Variants in ABCA3 observed in about 807,000 individuals in gnomAD.
ABCA3 encodes phospholipid-transporting ATPase ABCA3.
Under a neutral mutation model 172.8 loss-of-function variants are expected in ABCA3, and 88 were observed. The observed-to-expected ratio is 0.51, with a 90% CI of 0.43 to 0.61. The LOEUF is 0.61. Ranked by LOEUF, ABCA3 falls within the 20% of genes least tolerant of loss-of-function variation. The probability of loss-of-function intolerance (pLI) is 0.00; values close to 1 mark genes in which losing one functional copy is unlikely to be tolerated. For synonymous variants in ABCA3, 1,066 were observed against 983.8 expected (o/e 1.08, Z -1.56); for missense variants, 2,164 against 2,301.0 (o/e 0.94, Z 1.22).
rs772224529 is a variant in ABCA3 at position 2,281,464 on chromosome 16, C to T, written c.4081G>A (p.Val1361Ile). The T allele has an allele frequency of 3.1e-6, 5 of 1,613,544 alleles. No homozygotes were observed. The Admixed American group carries it at 5.0e-5, about 16-fold the overall frequency. ...AGGATGCGGGTCCTCTCGTCCGCTA[C>T]ATCTTGGTCCTCAGGAAGCACAGGC... ...RMPVLPEDQD[V>I]ADERTRILAP... Residue 1361 changes from valine to isoleucine, a missense_variant, in exon 27 of 33, where the codon GTA (valine) becomes ATA (isoleucine). Around this residue, in one of 3 missense-constraint regions of ABCA3, gnomAD observed 795 missense variants for 881.9 expected, o/e 0.90. Transcript: ENST00000301732. This position sits in a 1 kb window ranked among gnomAD's most constrained non-coding sequence, Gnocchi z 4.7.
In ABCA3 at chr16:2,304,169, A is replaced by G. The variant is rs1292224648; in HGVS notation, c.1286-19T>C. On this transcript the variant is annotated intron_variant, in intron 11 of 32. Coordinates refer to ENST00000301732, the MANE Select transcript of ABCA3 (RefSeq NM_001089.3). ...CCCATGCCTGGAAGACACATCAGGA[A>G]AGTGGCCCGAAAGCCAGCAGGCTGG... 1.9e-6 allele frequency: 3 copies of G among 1,613,852 alleles called. No individual in the cohort carries two copies. In the East Asian group the frequency reaches 6.7e-5, roughly 36 times the overall value.
rs2093646738 is a variant in ABCA3 at position 2,276,599 on chromosome 16, T to C, written c.*75A>G. On this transcript the variant is annotated 3_prime_UTR_variant, in exon 33 of 33. Transcript: ENST00000301732. Reference sequence around the variant, plus strand: ...ATTAAAAATAAAGGATGAGATAAACTTGGAGAGAGAGGATGTAAGATGGGC... The same window carrying C: ...ATTAAAAATAAAGGATGAGATAAACCTGGAGAGAGAGGATGTAAGATGGGC... 6.3e-6 allele frequency: 10 copies of C among 1,591,384 alleles called. No homozygotes were observed. Among genetic ancestry groups the C allele is most frequent in the Non-Finnish European group, 7.7e-6 (9 of 1,171,202 alleles).
Position 2,319,859 on chromosome 16 carries a change from G to A in ABCA3, c.614-19C>T, listed in dbSNP as rs774625646. ...ATGTACCCTGGGTGCGGGAGCAGAG[G>A]ATGGCCCAGCCACCTCGAGGAGCTG... is the stretch of plus-strand genomic sequence containing the variant. On this transcript the variant is annotated intron_variant, in intron 7 of 32. Coordinates refer to ENST00000301732, the MANE Select transcript of ABCA3 (RefSeq NM_001089.3). The A allele has an allele frequency of 5.0e-6, 8 of 1,612,992 alleles. No individual in the cohort carries two copies. In the South Asian group the frequency reaches 7.7e-5, roughly 15 times the overall value.
intron 18 of ABCA3, among the ~76,000 whole-genome samples, chr16:2,292,994 C>T (rs755112680): frequency 2.6e-5 from 4 of 152,178 alleles, no homozygotes; most frequent in Non-Finnish European, 5.9e-5. Flanking sequence ...AATCACCCCC[C>T]TAATCCCCCT....
chr16:2,303,839 G>C, intron 12 of ABCA3, 130 bp downstream of exon 12: 1 of 1,045,048 alleles, frequency 9.6e-7, no homozygotes, highest in East Asian at 2.6e-5. Context: ...CTGTGCACAG[G>C]GCAGGGTTCT....
chr16:2,310,112 G>GA (rs897070100), intron 10 of ABCA3, among the ~76,000 whole-genome samples: 4 of 151,748 alleles, frequency 2.6e-5, no homozygotes, highest in Admixed American at 6.6e-5. Context: ...ATACATTTAT[G>GA]AAAAAAACCC....
chr16:2,306,792 G>A (rs1241185157), intron 11 of ABCA3, among the ~76,000 whole-genome samples: 2 of 151,986 alleles, frequency 1.3e-5, no homozygotes, highest in South Asian at 2.1e-4. Context: ...GAGGCGGGCG[G>A]ATCACAAGGT....
chr16:2,317,188 C>G (rs565271691), intron 10 of ABCA3, 95 bp downstream of exon 10: 1 of 1,575,412 alleles, frequency 6.3e-7, no homozygotes, highest in African/African-American at 1.3e-5. Flanking sequence ...CTCCACCAGG[C>G]CACTCTCCCT....
chr16:2,332,047 T>C (rs562654703), intron 1 of ABCA3, among the ~76,000 whole-genome samples: 1 of 152,242 alleles, frequency 6.6e-6, no homozygotes, highest in South Asian at 2.1e-4. Flanking sequence ...CGGTGCAGAG[T>C]GAGCGCATAC....
At chr16:2,316,724 G>C (rs954364155) in intron 10 of ABCA3, among the ~76,000 whole-genome samples, 1 of 151,816 alleles carries the variant, frequency 6.6e-6, no homozygotes, top group Non-Finnish European at 1.5e-5. Flanking sequence ...TAGAGTGGTG[G>C]TGAGGTTGGA....
intron 1 of ABCA3, among the ~76,000 whole-genome samples, chr16:2,332,127 T>C (rs772161597): frequency 6.6e-6 from 1 of 152,170 alleles, no homozygotes; most frequent in African/African-American, 2.4e-5. Context: ...TTCCAGTAAC[T>C]GTTGTCAGCT....
chr16:2,328,295 C>T (rs45613834), intron 3 of ABCA3, among the ~76,000 whole-genome samples, 158 bp downstream of exon 3: 3,412 of 151,998 alleles, frequency 0.022, 141 homozygotes, highest in African/African-American at 0.078. Context: ...TTTGGGAGGC[C>T]GAGGCAGGAG....
chr16:2,278,437 C>G lies in ABCA3; in HGVS notation c.4569G>C (p.Leu1523=). Residue 1523 remains leucine, a synonymous_variant, in exon 30 of 33, where the codon CTG becomes CTC. Coordinates refer to ENST00000301732, the MANE Select transcript of ABCA3 (RefSeq NM_001089.3). The surrounding 1 kb of genome is among the most constrained non-coding windows in gnomAD (Gnocchi z 4.4). ...CTCCGATCAGGGCGATGCCGGTGCT[C>G]AGCTTCCGCTTGTTACCACCACTAG... ...RTYSGGNKRK[L]STGIALIGEP... 6.2e-7 allele frequency: 1 copy of G among 1,612,626 alleles called. No individual in the cohort carries two copies. Among genetic ancestry groups the G allele is most frequent in the Non-Finnish European group, 8.5e-7 (1 of 1,180,016 alleles).
At chr16:2,304,326 G>T (rs913908491) in intron 11 of ABCA3, among the ~76,000 whole-genome samples, 176 bp from the exon 12 acceptor site, 3 of 152,054 alleles carry the variant, frequency 2.0e-5, no homozygotes, top group South Asian at 2.1e-4. Context: ...AAGCCTGGAA[G>T]ATAAACTCAG....
intron 10 of ABCA3, among the ~76,000 whole-genome samples, chr16:2,312,736 T>C (rs1000482212): frequency 6.6e-6 from 1 of 152,054 alleles, no homozygotes; most frequent in African/African-American, 2.4e-5. Flanking sequence ...TTCACCATGT[T>C]GGCCAGGCTG....
chr16:2,336,499 C>T (rs547415474), intron 1 of ABCA3, among the ~76,000 whole-genome samples: 40 of 150,780 alleles, frequency 2.7e-4, no homozygotes, highest in Non-Finnish European at 4.7e-4. Context: ...GGTGCAATCT[C>T]GGCTCACTGC....
chr16:2,318,148 C>T (rs1277977817), intron 8 of ABCA3, among the ~76,000 whole-genome samples: 1 of 152,236 alleles, frequency 6.6e-6, no homozygotes, highest in Non-Finnish European at 1.5e-5. Context: ...CCAACCACGT[C>T]AACACCAGCC....
intron 14 of ABCA3, among the ~76,000 whole-genome samples, 168 bp from the exon 15 acceptor site, chr16:2,298,708 T>G (rs2093684134): frequency 6.6e-6 from 1 of 150,852 alleles, no homozygotes; most frequent in African/African-American, 2.4e-5. Context: ...GCTGGGCCAG[T>G]GGGAAAAAGA....
At position 2,284,511 on chromosome 16, in the gene ABCA3, G is replaced by A; in HGVS notation, c.3704-74C>T. On this transcript the variant is annotated intron_variant, in intron 24 of 32. Coordinates refer to ENST00000301732, the MANE Select transcript of ABCA3 (RefSeq NM_001089.3). This position sits in a 1 kb window ranked among gnomAD's most constrained non-coding sequence, Gnocchi z 5.9. The stretch of plus-strand genomic sequence containing the variant: ...CACCTCCAGGACGGGCCTGGTCAGG[G>A]CGGGCACAGGGCCTTATCCGTGCTG... 3 of 1,586,760 alleles carry A rather than the reference G, an allele frequency of 1.9e-6. No homozygotes were observed. The highest frequency in any genetic ancestry group is 2.2e-5 in the East Asian group (1 of 44,724).
Sources: allele counts gnomAD v4.1 joint callset (sites outside exome capture counted in the v4.1 genomes callset), GRCh38; gene constraint gnomAD v4.1.1; regional missense constraint gnomAD v4.1.1; non-coding constraint Gnocchi (gnomAD v3.1); transcripts MANE v1.5; gene names NCBI Gene and HGNC (gene_info 2026-07-23, HGNC 2026-07-21).